CEP128: variants seen among roughly 807,000 people sequenced by gnomAD.
CEP128 encodes the protein centrosomal protein 128, also known as centrosomal protein 128kDa.
A neutral mutation model predicts 156.7 loss-of-function variants in CEP128; 132 were observed. The observed-to-expected ratio is 0.84, with a 90% CI of 0.73 to 0.97. The LOEUF is 0.97. Among genes scored for constraint, CEP128 ranks in the 50% least tolerant of loss-of-function variants. The pLI is 0.00. For missense variants in CEP128, 1,252 were observed against 1,281.9 expected (o/e 0.98, Z 0.36); for synonymous variants, 469 against 448.9 (o/e 1.04, Z -0.57).
chr14:80,947,295 G>A (rs1886369276), intron 2 of CEP128, among the ~76,000 whole-genome samples: 1 of 152,140 alleles, frequency 6.6e-6, no homozygotes, highest in East Asian at 1.9e-4. Flanking sequence ...ATTTCTGTCA[G>A]CTACACTGTT....
intron 19 of CEP128, among the ~76,000 whole-genome samples, chr14:80,713,011 A>G (rs556181264): frequency 1.3e-4 from 20 of 152,308 alleles, no homozygotes; most frequent in African/African-American, 4.8e-4. Context: ...CCAAAAGTTG[A>G]ATCTAATCAT....
At chr14:80,748,053 C>T (rs748496319) in intron 18 of CEP128, among the ~76,000 whole-genome samples, 27 of 152,218 alleles carry the variant, frequency 1.8e-4, no homozygotes, top group Admixed American at 9.2e-4. Flanking sequence ...GTTAGTTAAA[C>T]GGTAGAGAGT....
At chr14:80,671,358 G>A (rs1895833305) in intron 19 of CEP128, among the ~76,000 whole-genome samples, 1 of 152,182 alleles carries the variant, frequency 6.6e-6, no homozygotes, top group Admixed American at 6.5e-5. Flanking sequence ...GCCTTGGATT[G>A]TAGGTAAGAT....
chr14:80,749,491 T>G (rs1899279495), intron 18 of CEP128, among the ~76,000 whole-genome samples: 1 of 152,190 alleles, frequency 6.6e-6, no homozygotes. Context: ...TTTATGGAAC[T>G]TGAGACATTA....
At chr14:80,905,591 AG>A (rs1455376022) in intron 5 of CEP128, 1 of 186,430 alleles carries the variant, frequency 5.4e-6, no homozygotes, top group Non-Finnish European at 1.1e-5. Context: ...CAAGCATCAC[AG>A]GGTATTTCAT....
At chr14:80,700,279 C>T (rs1897029521) in intron 19 of CEP128, among the ~76,000 whole-genome samples, 1 of 152,054 alleles carries the variant, frequency 6.6e-6, no homozygotes, top group Admixed American at 6.6e-5. Flanking sequence ...TAATGAGTCC[C>T]ATATCTCCAT....
At chr14:80,513,519 A>G (rs1401311901) in intron 23 of CEP128, among the ~76,000 whole-genome samples, 2 of 151,902 alleles carry the variant, frequency 1.3e-5, no homozygotes, top group Admixed American at 6.6e-5. Context: ...GTAGTTTTGG[A>G]AAGTTCTCTG....
intron 19 of CEP128, among the ~76,000 whole-genome samples, chr14:80,678,909 C>T (rs1402164471): frequency 1.3e-5 from 2 of 152,130 alleles, no homozygotes; most frequent in Admixed American, 6.6e-5. Context: ...GTGAAGATTT[C>T]ATTTTAATAT....
intron 22 of CEP128, 113 bp downstream of exon 22, chr14:80,530,696 C>T (rs1471224409): frequency 1.7e-6 from 1 of 595,062 alleles, no homozygotes; most frequent in African/African-American, 1.9e-5. Flanking sequence ...TTAAAAGTTC[C>T]CAATGTTTTT....
chr14:80,789,132 A>G (rs570421392), intron 14 of CEP128, among the ~76,000 whole-genome samples: 1 of 152,290 alleles, frequency 6.6e-6, no homozygotes, highest in African/African-American at 2.4e-5. Context: ...AATCGGTAAA[A>G]TATATGAGGG....
intron 21 of CEP128, among the ~76,000 whole-genome samples, chr14:80,551,905 C>T (rs10140856): frequency 0.6 from 90,588 of 151,948 alleles, 28,295 homozygotes; most frequent in African/African-American, 0.79. Flanking sequence ...AGGGCCTTTA[C>T]TAAAGAAGGC....
At chr14:80,477,195 A>T (rs1276205355) in exon 15 of CEP128, 1 of 152,174 alleles carries the variant, frequency 6.6e-6, no homozygotes, top group Non-Finnish European at 1.5e-5. Context: ...TGTAAACCTT[A>T]GTGAAACAAC....
Position 80,729,126 on chromosome 14 carries a change from TG to T in CEP128, c.2806+13948del, listed in dbSNP as rs1214006848. ...GTGTGTGTGTGTGTGTGTGTGTGTG[TG>T]TTTACCCAGTGTTTAGTCTTTTATC... On this transcript the variant is annotated intron_variant, in intron 19 of 24. Coordinates refer to ENST00000555265, the MANE Select transcript of CEP128 (RefSeq NM_152446.5). 5.6e-4 allele frequency among the ~76,000 whole-genome samples: 67 copies of T among 119,378 alleles called. 1 individual carries two copies. Among genetic ancestry groups the T allele is most frequent in the African/African-American group, 1.7e-3 (64 of 36,614 alleles). The allele number at this position is 119,378 out of a possible 152,430, so 78.3% of individuals were successfully genotyped here. A position where few individuals can be genotyped will look rare whatever the true frequency, so the allele number is the denominator to read the frequency against.
In CEP128 at chr14:80,895,608, G is replaced by T. The variant is rs1889307929; in HGVS notation, c.645+110C>A. On this transcript the variant is annotated intron_variant, in intron 8 of 24. Transcript: ENST00000555265. The stretch of plus-strand genomic sequence containing the variant: ...ACAAGAACACACTTTTAGACAAAAT[G>T]GGACATACCACCCAAAAGGTTAAAC... 6.4e-6 allele frequency: 4 copies of T among 626,604 alleles called. No homozygotes were observed. The South Asian group carries it at 1.2e-4, about 19-fold the overall frequency. The allele number at this position is 626,604 out of a possible 1,614,324, so 38.8% of individuals were successfully genotyped here. A position where few individuals can be genotyped will look rare whatever the true frequency, so the allele number is the denominator to read the frequency against.
chr14:80,677,722 G>T (rs1485001926), intron 19 of CEP128, among the ~76,000 whole-genome samples: 1 of 151,780 alleles, frequency 6.6e-6, no homozygotes, highest in Non-Finnish European at 1.5e-5. Flanking sequence ...TCAGCCTAGT[G>T]AAAAGGGACT....
intron 16 of CEP128, among the ~76,000 whole-genome samples, chr14:80,769,402 A>G (rs911887222): frequency 6.6e-6 from 1 of 151,978 alleles, no homozygotes; most frequent in African/African-American, 2.4e-5. Context: ...TACATTAGGT[A>G]TATCTCCTAA....
intron 19 of CEP128, among the ~76,000 whole-genome samples, chr14:80,730,128 C>A (rs2139518961): frequency 1.3e-5 from 2 of 152,186 alleles, no homozygotes; most frequent in South Asian, 4.2e-4. Context: ...TACAATTGCA[C>A]CTTAAGAAAA....
intron 19 of CEP128, among the ~76,000 whole-genome samples, chr14:80,587,183 C>T (rs1891854932): frequency 6.6e-6 from 1 of 152,064 alleles, no homozygotes. Context: ...TTATAAGTAG[C>T]TACATTATTT....
chr14:80,665,362 T>C (rs1895571190), intron 19 of CEP128, among the ~76,000 whole-genome samples: 1 of 152,062 alleles, frequency 6.6e-6, no homozygotes, highest in Admixed American at 6.6e-5. Context: ...GGAAGTTAAT[T>C]AACTTGGGAG....
Sources: allele counts gnomAD v4.1 joint callset (sites outside exome capture counted in the v4.1 genomes callset), GRCh38; gene constraint gnomAD v4.1.1; transcripts MANE v1.5; gene names NCBI Gene and HGNC (gene_info 2026-07-23, HGNC 2026-07-21).